Variants in MVK observed in about 807,000 individuals in gnomAD.
The protein encoded by MVK is LH receptor mRNA-binding protein.
In MVK, 34 loss-of-function variants were observed where a neutral mutation model predicts 43.2. The observed-to-expected ratio is 0.79, with a 90% CI of 0.60 to 1.05. The LOEUF is 1.05. Among genes scored for constraint, MVK ranks in the 50% least tolerant of loss-of-function variants. The pLI, the probability that MVK is intolerant of heterozygous loss-of-function variation, is 0.00. For synonymous variants in MVK, 190 were observed against 219.8 expected (o/e 0.86, Z 1.20); for missense variants, 395 against 504.0 (o/e 0.78, Z 2.07).
At chr12:109,587,485 G>A (rs896264510) in intron 7 of MVK, among the ~76,000 whole-genome samples, 2 of 152,228 alleles carry the variant, frequency 1.3e-5, no homozygotes, top group Admixed American at 1.3e-4. Context: ...TGGGTGCCTG[G>A]AATGAAACGC....
At chr12:109,591,935 C>T (rs552318002) in intron 9 of MVK, among the ~76,000 whole-genome samples, 2 of 152,240 alleles carry the variant, frequency 1.3e-5, no homozygotes, top group African/African-American at 2.4e-5. Flanking sequence ...CGTGTGGCCT[C>T]GCTAGAGTGT....
chr12:109,575,885 G>A (rs1294034233), intron 2 of MVK, 113 bp from the exon 3 acceptor site: 3 of 1,270,130 alleles, frequency 2.4e-6, no homozygotes, highest in Non-Finnish European at 3.4e-6. Context: ...TGTCTGGCAA[G>A]GGCATGGCTA....
Position 109,574,844 on chromosome 12 carries a change from G to T in MVK, c.22G>T (p.Val8Leu). 1 of 1,608,558 alleles carries T rather than the reference G, an allele frequency of 6.2e-7. No homozygotes were observed. The highest frequency in any genetic ancestry group is 8.5e-7 in the Non-Finnish European group (1 of 1,177,422). ...AGCCATGTTGTCAGAAGTCCTACTG[G>T]TGTCTGCTCCGGGGAAAGTCATCCT... MLSEVLL[V>L]SAPGKVILHG... The change falls in exon 2 of 11, where the codon GTG (valine) becomes TTG (leucine). Residue 8 changes from valine to leucine, a missense_variant. Val to Leu is a conservative substitution (Grantham distance 32, BLOSUM62 1). Coordinates refer to ENST00000228510, the MANE Select transcript of MVK (RefSeq NM_000431.4).
upstream of MVK, chr12:109,573,731 C>T: frequency 1.8e-6 from 1 of 560,668 alleles, no homozygotes. Context: ...AAAGGTACTC[C>T]GGGCTCGCGC....
intron 4 of MVK, among the ~76,000 whole-genome samples, chr12:109,581,034 G>A (rs1885193477): frequency 1.3e-5 from 2 of 152,132 alleles, no homozygotes; most frequent in African/African-American, 4.8e-5. Flanking sequence ...GGATAAGGAG[G>A]TGCACGGCTA....
chr12:109,584,758 G>A (rs535316126), intron 5 of MVK, among the ~76,000 whole-genome samples: 22 of 152,104 alleles, frequency 1.4e-4, no homozygotes, highest in Non-Finnish European at 2.6e-4. Context: ...GGTGGCAGGC[G>A]CCTGTAATCC....
At position 109,586,129 on chromosome 12, in the gene MVK, G is replaced by T. The variant is rs1359766122; in HGVS notation, c.631+4G>T. 2 of 1,606,096 alleles carry T rather than the reference G, an allele frequency of 1.2e-6. No individual in the cohort carries two copies. Among genetic ancestry groups the T allele is most frequent in the South Asian group, 2.2e-5 (2 of 90,930 alleles). ...GACAATGCTGTCAGCACCTGGGGTA[G>T]GTGTGGCCTCAGGTTTATTTTATTG... On this transcript the variant is annotated splice_donor_region_variant and intron_variant, in intron 6 of 10. Coordinates refer to ENST00000228510, the MANE Select transcript of MVK (RefSeq NM_000431.4).
intron 9 of MVK, among the ~76,000 whole-genome samples, chr12:109,593,440 G>A (rs1024688899): frequency 3.3e-5 from 5 of 152,260 alleles, no homozygotes; most frequent in South Asian, 2.1e-4. Flanking sequence ...CAGGTGCCCC[G>A]GAACAGAGCT....
intron 7 of MVK, chr12:109,588,461 T>A (rs1011013387): frequency 6.6e-6 from 1 of 152,114 alleles, no homozygotes; most frequent in Admixed American, 6.6e-5. Flanking sequence ...AGGAGATGAA[T>A]GAGGAGGTTT....
chr12:109,586,476 C>T (rs1277355398), intron 6 of MVK, among the ~76,000 whole-genome samples: 3 of 152,196 alleles, frequency 2.0e-5, no homozygotes, highest in Non-Finnish European at 4.4e-5. Flanking sequence ...GATGCTGTGT[C>T]CTGGGCCCCA....
upstream of MVK, chr12:109,573,486 A>T (rs767177510): frequency 1.3e-6 from 2 of 1,599,266 alleles, no homozygotes; most frequent in South Asian, 1.1e-5. Flanking sequence ...GCCATGAGCC[A>T]GGCTGCTTGA....
chr12:109,591,639 C>G (rs1885687348), intron 9 of MVK, among the ~76,000 whole-genome samples: 1 of 152,226 alleles, frequency 6.6e-6, no homozygotes, highest in Admixed American at 6.5e-5. Flanking sequence ...TGGGTCACTT[C>G]TAAGGAGCTC....
chr12:109,573,310 G>A (rs1242804784), upstream of MVK: 1 of 1,611,778 alleles, frequency 6.2e-7, no homozygotes. Flanking sequence ...ACGATTCACG[G>A]CAGGTGTTCG....
intron 9 of MVK, among the ~76,000 whole-genome samples, chr12:109,593,914 C>T (rs1465459090): frequency 1.3e-5 from 2 of 151,670 alleles, no homozygotes; most frequent in African/African-American, 2.4e-5. Context: ...GATGGGGTTT[C>T]GCCATGTTGG....
intron 5 of MVK, among the ~76,000 whole-genome samples, chr12:109,583,089 G>GTTTTTTTT (rs71079573): frequency 6.7e-6 from 1 of 148,806 alleles, no homozygotes; most frequent in African/African-American, 2.5e-5. Context: ...TCCTTGGTCT[G>GTTTTTTTT]TTTTTTTTTT....
intron 1 of MVK, 52 bp from the exon 2 acceptor site, chr12:109,574,757 C>G: frequency 7.0e-7 from 1 of 1,423,442 alleles, no homozygotes; most frequent in Non-Finnish European, 9.7e-7. Context: ...TCTCTTCCTG[C>G]TGGTTCTGAC....
In MVK at chr12:109,595,590, G is replaced by A. The variant is rs1348646951; in HGVS notation, c.1039+409G>A. Among the ~76,000 whole-genome samples, 8 of 152,262 alleles carry A rather than the reference G, an allele frequency of 5.3e-5. No individual in the cohort carries two copies. In the South Asian group the frequency reaches 8.3e-4, roughly 16 times the overall value. On this transcript the variant is annotated intron_variant, in intron 10 of 10. Transcript: ENST00000228510. The surrounding 1 kb of genome is among the most constrained non-coding windows in gnomAD (Gnocchi z 5.9). ...TACAAAACGAAAGGGTTTCCTTCCC[G>A]TTGGTTTGGGGAAAGAGGAAGACCG...
intron 4 of MVK, 38 bp from the exon 5 acceptor site, chr12:109,581,357 T>C (rs758055583): frequency 6.2e-7 from 1 of 1,612,042 alleles, no homozygotes; most frequent in Non-Finnish European, 8.5e-7. Flanking sequence ...CCCACTGCCC[T>C]GCGGGAGAGT....
At chr12:109,576,827 C>T (rs73404412) in intron 3 of MVK, among the ~76,000 whole-genome samples, 17,591 of 149,674 alleles carry the variant, frequency 0.12, 1,455 homozygotes, top group African/African-American at 0.24. Flanking sequence ...GCCAAGATTG[C>T]GCCATTGCAC....
Sources: allele counts gnomAD v4.1 joint callset (sites outside exome capture counted in the v4.1 genomes callset), GRCh38; gene constraint gnomAD v4.1.1; non-coding constraint Gnocchi (gnomAD v3.1); transcripts MANE v1.5; gene names NCBI Gene and HGNC (gene_info 2026-07-23, HGNC 2026-07-21).